The following SYNE2 variants were observed in gnomAD, a reference collection of about 807,000 sequenced individuals.
SYNE2 encodes the protein spectrin repeat containing nuclear envelope protein 2, also known as nesprin-2.
Under a neutral mutation model 856.3 loss-of-function variants are expected in SYNE2, and 431 were observed. That is an observed-to-expected ratio of 0.50 (90% CI 0.47 to 0.55). The LOEUF (loss-of-function observed/expected upper bound fraction) is 0.55. Ranked by LOEUF, SYNE2 falls within the 20% of genes least tolerant of loss-of-function variation. SYNE2 has a pLI of 0.00. For synonymous variants in SYNE2, 2,923 were observed against 2,872.3 expected, an observed-to-expected ratio of 1.02 and a Z score of -0.56; for missense variants, 8,129 against 8,023.2, an observed-to-expected ratio of 1.01 and a Z score of -0.50.
chr14:64,095,805 T>G (rs2097671886), intron 61 of SYNE2, among the ~76,000 whole-genome samples: 1 of 152,120 alleles, frequency 6.6e-6, no homozygotes, highest in African/African-American at 2.4e-5. Context: ...AAATGTTGCC[T>G]CCCCTCCCCC....
At position 64,128,449 on chromosome 14, in the gene SYNE2, C is replaced by G; in HGVS notation, c.13918-3C>G. 6.8e-7 allele frequency: 1 copy of G among 1,479,264 alleles called. No individual in the cohort carries two copies. Among genetic ancestry groups the G allele is most frequent in the Non-Finnish European group, 9.5e-7 (1 of 1,057,286 alleles). 91.6% of individuals were successfully genotyped at this position (1,479,264 alleles called of 1,614,324 possible). ...TGCTCAGTTTCCGACATTTATCTTA[C>G]AGAATGAAATAAAGAGATTATATCA... is the stretch of plus-strand genomic sequence containing the variant. On this transcript the variant is annotated splice_polypyrimidine_tract_variant and splice_region_variant and intron_variant, in intron 73 of 115. Transcript: ENST00000555002.
intron 49 of SYNE2, among the ~76,000 whole-genome samples, chr14:64,059,500 T>A (rs1235540759): frequency 6.6e-6 from 1 of 152,164 alleles, no homozygotes; most frequent in African/African-American, 2.4e-5. Flanking sequence ...CTCTTGTTGT[T>A]TTCCCTCACT....
intron 85 of SYNE2, among the ~76,000 whole-genome samples, chr14:64,157,556 A>C (rs545403676): frequency 1.3e-5 from 2 of 151,416 alleles, no homozygotes; most frequent in Admixed American, 6.6e-5. Context: ...CATTTGTGTC[A>C]GGTTTTTATG....
chr14:63,768,312 A>AGT (rs1886764907), intron 1 of SYNE2, among the ~76,000 whole-genome samples: 1 of 152,238 alleles, frequency 6.6e-6, no homozygotes, highest in African/African-American at 2.4e-5. Context: ...CCACCCCACA[A>AGT]TTAAAGGCAA....
In SYNE2 at chr14:63,831,431, A is replaced by G. The variant is rs373747791; in HGVS notation, c.-304-21070A>G. 1.7e-4 allele frequency among the ~76,000 whole-genome samples: 26 copies of G among 149,416 alleles called. No individual in the cohort carries two copies. In the Middle Eastern group the frequency reaches 0.014, roughly 80 times the overall value. On this transcript the variant is annotated intron_variant, in intron 1 of 23. Transcript: ENST00000674003. Reference sequence around the variant, plus strand: ...TTTGATTCTTTTTGTTGTTCTTGACATTTGCTCTTGATTTTTGTTTTAGCT... The same window carrying G: ...TTTGATTCTTTTTGTTGTTCTTGACGTTTGCTCTTGATTTTTGTTTTAGCT...
chr14:64,179,718 C>T (rs1221371212), intron 96 of SYNE2, among the ~76,000 whole-genome samples: 1 of 151,608 alleles, frequency 6.6e-6, no homozygotes, highest in Non-Finnish European at 1.5e-5. Context: ...TGATTTTTTT[C>T]CATTGGGCTA....
Position 64,220,585 on chromosome 14 carries a change from G to T in SYNE2, c.20009G>T (p.Gly6670Val), listed in dbSNP as rs1348113211. The T allele has an allele frequency of 5.0e-6, 8 of 1,614,090 alleles. No individual in the cohort carries two copies. The highest frequency in any genetic ancestry group is 6.8e-6 in the Non-Finnish European group (8 of 1,180,040). Residue 6670 changes from glycine to valine, a missense_variant, in exon 111 of 116, where the codon GGC (glycine) becomes GTC (valine). This residue lies in a region of SYNE2 where 5,410 missense variants were observed against 5,284.8 expected (regional missense o/e 1.02). Coordinates refer to ENST00000555002, the MANE Select transcript of SYNE2 (RefSeq NM_182914.3). ...QLSLLWEAAQ[G>V]AVDSWRGGLR... ...AGCCTGCTCTGGGAAGCAGCACAGG[G>T]CGCAGTGGACAGCTGGAGAGGGGGC...
intron 107 of SYNE2, 127 bp downstream of exon 107, chr14:64,215,481 C>T: frequency 1.0e-6 from 1 of 954,696 alleles, no homozygotes; most frequent in Non-Finnish European, 1.7e-6. Flanking sequence ...GTCCTTGTGT[C>T]ATGGTGTATT....
chr14:63,795,604 G>C (rs1426003514), intron 1 of SYNE2, among the ~76,000 whole-genome samples: 2 of 151,996 alleles, frequency 1.3e-5, no homozygotes, highest in Non-Finnish European at 2.9e-5. Context: ...GTTGCCCAGG[G>C]TGGTCTCAAA....
At chr14:64,190,875 T>C (rs2098515106) in intron 99 of SYNE2, 2 of 693,348 alleles carry the variant, frequency 2.9e-6, no homozygotes, top group Admixed American at 2.0e-5. Flanking sequence ...ATGATGATGA[T>C]GCCCAAAATT....
chr14:63,887,316 G>A (rs532135162), intron 1 of SYNE2, among the ~76,000 whole-genome samples: 2 of 152,228 alleles, frequency 1.3e-5, no homozygotes, highest in South Asian at 2.1e-4. Context: ...AACCCTAAAT[G>A]TATGGAAATA....
Position 64,098,065 on chromosome 14 carries a change from A to G in SYNE2, c.12225A>G (p.Gln4075=). 1 of 1,614,198 alleles carries G rather than the reference A, an allele frequency of 6.2e-7. No homozygotes were observed. Among genetic ancestry groups the G allele is most frequent in the Non-Finnish European group, 8.5e-7 (1 of 1,180,008 alleles). The change falls in exon 62 of 116, where the codon CAA becomes CAG. Residue 4075 remains glutamine (Q), a synonymous_variant. Coordinates refer to ENST00000555002, the MANE Select transcript of SYNE2 (RefSeq NM_182914.3). ...LNLHQHLKQE[Q]EGVERDRLPA... is the part of the protein sequence containing the mutation. Reference sequence around the variant, plus strand: ...TTCACCAGCATTTGAAGCAAGAACAAGAAGGAGTAGAAAGAGATAGGCTGC... The same window carrying G: ...TTCACCAGCATTTGAAGCAAGAACAGGAAGGAGTAGAAAGAGATAGGCTGC...
chr14:64,027,590 C>T lies in SYNE2; in HGVS notation c.6511C>T (p.Leu2171=), dbSNP rs199743242. 20 of 1,613,908 alleles carry T rather than the reference C, an allele frequency of 1.2e-5. No individual in the cohort carries two copies. Among genetic ancestry groups the T allele is most frequent in the East Asian group, 2.2e-5 (1 of 44,874 alleles). ...GAAGAAACAGGAAGCAGGCTTTGCT[C>T]TACAACATGGTCTGCAGGAGAAGAA... The part of the protein sequence containing the change: ...LKKKQEAGFA[L]QHGLQEKKAQ... Residue 2171 remains leucine, a synonymous_variant, in exon 43 of 116, where the codon CTA becomes TTA. Coordinates refer to ENST00000555002, the MANE Select transcript of SYNE2 (RefSeq NM_182914.3).
At chr14:64,215,208 T>C in intron 106 of SYNE2, 78 bp from the exon 107 acceptor site, 2 of 1,258,030 alleles carry the variant, frequency 1.6e-6, no homozygotes, top group Non-Finnish European at 2.3e-6. Flanking sequence ...CAGCTGACAA[T>C]GTTTCTACTG....
intron 45 of SYNE2, among the ~76,000 whole-genome samples, chr14:64,039,994 C>T (rs1009653691): frequency 1.3e-5 from 2 of 152,144 alleles, no homozygotes; most frequent in Non-Finnish European, 2.9e-5. Context: ...CATGAGAAAC[C>T]TAAATCAACC....
At chr14:63,917,417 G>A (rs2095545631) in intron 2 of SYNE2, among the ~76,000 whole-genome samples, 1 of 152,068 alleles carries the variant, frequency 6.6e-6, no homozygotes, top group Non-Finnish European at 1.5e-5. Flanking sequence ...ATTGTCTTTT[G>A]CTGTGTTTTC....
intron 42 of SYNE2, 67 bp from the exon 43 acceptor site, chr14:64,027,417 A>T (rs1390674466): frequency 4.0e-6 from 4 of 1,001,402 alleles, no homozygotes; most frequent in Non-Finnish European, 6.0e-6. Flanking sequence ...TGTGTTACAT[A>T]ATATGCAAAA....
intron 50 of SYNE2, among the ~76,000 whole-genome samples, chr14:64,064,542 ATTT>A (rs369447974): frequency 5.8e-5 from 6 of 103,616 alleles, no homozygotes; most frequent in Admixed American, 1.2e-4. Flanking sequence ...GTACTTTTAG[ATTT>A]TTTTTTTTTT....
chr14:64,027,451 C>A, intron 42 of SYNE2, 33 bp from the exon 43 acceptor site: 2 of 1,433,858 alleles, frequency 1.4e-6, no homozygotes, highest in South Asian at 2.5e-5. Context: ...TGCTAAATAT[C>A]ATTTAATTTA....
Sources: allele counts gnomAD v4.1 joint callset (sites outside exome capture counted in the v4.1 genomes callset), GRCh38; gene constraint gnomAD v4.1.1; regional missense constraint gnomAD v4.1.1; transcripts MANE v1.5; gene names NCBI Gene and HGNC (gene_info 2026-07-23, HGNC 2026-07-21).